Variants in ZNF365 observed in about 807,000 individuals in gnomAD.
ZNF365 encodes the protein protein ZNF365.
In ZNF365, 22 loss-of-function variants were observed where a neutral mutation model predicts 35.0. The ratio of observed to expected loss-of-function variants is 0.63; its 90% CI spans 0.45 to 0.90. The LOEUF is 0.90. ZNF365 is among the 40% of genes least tolerant of loss of function. The probability of loss-of-function intolerance (pLI) is 0.00; values close to 1 mark genes in which losing one functional copy is unlikely to be tolerated. For synonymous variants in ZNF365, 188 were observed against 196.2 expected, an observed-to-expected ratio of 0.96 and a Z score of 0.35; for missense variants, 448 against 500.3, an observed-to-expected ratio of 0.90 and a Z score of 1.00.
intron 3 of ZNF365, among the ~76,000 whole-genome samples, chr10:62,411,460 T>C (rs1839983773): frequency 6.6e-6 from 1 of 152,156 alleles, no homozygotes; most frequent in South Asian, 2.1e-4. Flanking sequence ...TTGTATAAGG[T>C]GCAAGGAATT....
intron 4 of ZNF365, among the ~76,000 whole-genome samples, chr10:62,460,542 T>C (rs551209900): frequency 4.6e-5 from 7 of 152,334 alleles, no homozygotes; most frequent in Admixed American, 2.0e-4. Flanking sequence ...ACTGTATTCA[T>C]CTATTTTTGG....
chr10:62,431,932 G>T (rs1247606279), intron 3 of ZNF365, among the ~76,000 whole-genome samples: 1 of 152,026 alleles, frequency 6.6e-6, no homozygotes, highest in Non-Finnish European at 1.5e-5. Context: ...ACTGACAAAG[G>T]CAGGGTTTGG....
chr10:62,377,011 A>G, intron 2 of ZNF365, 75 bp downstream of exon 2: 1 of 1,517,872 alleles, frequency 6.6e-7, no homozygotes, highest in East Asian at 2.3e-5. Flanking sequence ...GCAAATGCTA[A>G]GCAAGGTTGA....
intron 2 of ZNF365, among the ~76,000 whole-genome samples, chr10:62,385,798 G>A (rs1001756568): frequency 6.6e-6 from 1 of 152,144 alleles, no homozygotes; most frequent in Non-Finnish European, 1.5e-5. Flanking sequence ...CTGCCCAGTT[G>A]AATCCTCCAA....
chr10:62,391,883 G>A (rs992951704), intron 3 of ZNF365, among the ~76,000 whole-genome samples: 1 of 152,140 alleles, frequency 6.6e-6, no homozygotes. Context: ...GAAAGTGTTC[G>A]TTCCCTTTTC....
chr10:62,460,049 A>T (rs1345411770), intron 4 of ZNF365, among the ~76,000 whole-genome samples: 1 of 152,184 alleles, frequency 6.6e-6, no homozygotes, highest in East Asian at 1.9e-4. Context: ...ACTGAATAGT[A>T]CCAGATTTGA....
In ZNF365 at chr10:62,399,510, C is replaced by G. The variant is rs776885318; in HGVS notation, c.963-18C>G. ...TTCTGCTCATCTCTTCTCCACTCCC[C>G]CCTCCAACCCTCTGTAGAAGCCGAG... is the stretch of plus-strand genomic sequence containing the variant. On this transcript the variant is annotated intron_variant, in intron 4 of 4. Transcript: ENST00000395254. 1.9e-6 allele frequency: 3 copies of G among 1,610,096 alleles called. No homozygotes were observed. In the East Asian group the frequency reaches 6.7e-5, roughly 36 times the overall value.
chr10:62,404,071 C>T (rs918675594), downstream of ZNF365, among the ~76,000 whole-genome samples: 2 of 152,064 alleles, frequency 1.3e-5, no homozygotes, highest in Non-Finnish European at 2.9e-5. Flanking sequence ...AAAGAGTATT[C>T]GAACTATAGC....
chr10:62,444,223 T>C (rs1186022248), intron 3 of ZNF365, among the ~76,000 whole-genome samples: 2 of 152,160 alleles, frequency 1.3e-5, no homozygotes, highest in African/African-American at 4.8e-5. Flanking sequence ...TCTCTGCTCT[T>C]CTCTGTGCCC....
At chr10:62,423,382 G>A (rs1371206995) in intron 3 of ZNF365, among the ~76,000 whole-genome samples, 1 of 152,140 alleles carries the variant, frequency 6.6e-6, no homozygotes, top group Non-Finnish European at 1.5e-5. Flanking sequence ...ACTTCATAGA[G>A]TATTTCACAG....
chr10:62,447,434 T>C (rs1210001620), intron 3 of ZNF365, among the ~76,000 whole-genome samples: 1 of 152,206 alleles, frequency 6.6e-6, no homozygotes, highest in Non-Finnish European at 1.5e-5. Flanking sequence ...TAAAGAAGTA[T>C]GTCTTCACTC....
intron 3 of ZNF365, among the ~76,000 whole-genome samples, chr10:62,414,347 ACCACCATATCTGACT>A (rs1415443542): frequency 6.7e-6 from 1 of 149,990 alleles, no homozygotes; most frequent in Non-Finnish European, 1.5e-5. Flanking sequence ...CCACAGTCAT[ACCACCATATCTGACT>A]AATTCTTTTT....
intron 3 of ZNF365, among the ~76,000 whole-genome samples, chr10:62,421,877 C>G (rs1015137535): frequency 1.3e-5 from 2 of 152,186 alleles, no homozygotes; most frequent in Non-Finnish European, 2.9e-5. Flanking sequence ...CAGATGTGAA[C>G]TCCTTGCTGG....
chr10:62,384,184 C>A (rs1187665361), intron 2 of ZNF365, among the ~76,000 whole-genome samples: 1 of 150,942 alleles, frequency 6.6e-6, no homozygotes, highest in African/African-American at 2.4e-5. Flanking sequence ...ATTTCCCCAA[C>A]ACTGGTCTGC....
intron 2 of ZNF365, among the ~76,000 whole-genome samples, chr10:62,380,542 G>A (rs929591800): frequency 2.0e-4 from 30 of 152,202 alleles, no homozygotes; most frequent in African/African-American, 7.2e-4. Flanking sequence ...CAACTGCATA[G>A]GAGATTGGTT....
chr10:62,475,372 T>C (rs539033960), intron 4 of ZNF365, among the ~76,000 whole-genome samples: 25 of 152,150 alleles, frequency 1.6e-4, no homozygotes, highest in Admixed American at 6.5e-4. Flanking sequence ...AAGTGCACCA[T>C]GATTGTGCCT....
chr10:62,406,309 C>G (rs1451764271), downstream of ZNF365, among the ~76,000 whole-genome samples: 1 of 152,130 alleles, frequency 6.6e-6, no homozygotes, highest in Admixed American at 6.5e-5. Flanking sequence ...GATTTGAGAT[C>G]AATTGTCACT....
At chr10:62,475,569 A>G (rs2132494792) in intron 4 of ZNF365, among the ~76,000 whole-genome samples, 1 of 152,332 alleles carries the variant, frequency 6.6e-6, no homozygotes, top group Admixed American at 6.5e-5. Context: ...AGAGACTACA[A>G]GGCTCTCTCA....
At chr10:62,474,936 T>C (rs911680153) in intron 4 of ZNF365, among the ~76,000 whole-genome samples, 3 of 152,212 alleles carry the variant, frequency 2.0e-5, no homozygotes, top group Non-Finnish European at 4.4e-5. Context: ...CCTTTAACTG[T>C]CTCAATTTCC....
Sources: gnomAD v4.1 joint callset for allele counts (sites outside exome capture counted in the v4.1 genomes callset) on GRCh38, gnomAD v4.1.1 for gene constraint, MANE v1.5 for transcripts, NCBI Gene and HGNC (gene_info 2026-07-23, HGNC 2026-07-21) for gene names.